Variants in CD72 observed in about 807,000 individuals in gnomAD.
CD72 encodes B-cell differentiation antigen CD72.
In CD72, 28 loss-of-function variants were observed where a neutral mutation model predicts 50.7. The ratio of observed to expected loss-of-function variants is 0.55; its 90% CI spans 0.41 to 0.76. The LOEUF (loss-of-function observed/expected upper bound fraction) is 0.76, where lower values mean the gene tolerates loss of function less well. CD72 is among the 30% of genes least tolerant of loss of function. CD72 has a pLI of 0.00. For missense variants in CD72, 403 were observed against 420.6 expected (o/e 0.96, Z 0.37); for synonymous variants, 176 against 171.2 (o/e 1.03, Z -0.22).
At chr9:35,620,014 G>A (rs1302389610), upstream of CD72, among the ~76,000 whole-genome samples, 1 of 150,936 alleles carries the variant, frequency 6.6e-6, no homozygotes, top group East Asian at 2.0e-4. Context: ...GGGACCTCAG[G>A]GGCCCTGAGA....
upstream of CD72, among the ~76,000 whole-genome samples, chr9:35,619,056 G>A (rs888968939): frequency 1.3e-5 from 2 of 152,226 alleles, no homozygotes; most frequent in Non-Finnish European, 2.9e-5. Context: ...GCCAGAGGCC[G>A]AGCGCAGATT....
chr9:35,612,457 T>C (rs1823001026), intron 6 of CD72, among the ~76,000 whole-genome samples: 1 of 152,026 alleles, frequency 6.6e-6, no homozygotes, highest in Non-Finnish European at 1.5e-5. Context: ...TGGTGGCATG[T>C]GACTGTAGTC....
upstream of CD72, among the ~76,000 whole-genome samples, chr9:35,620,340 C>T (rs577487952): frequency 8.2e-4 from 125 of 152,046 alleles, no homozygotes; most frequent in African/African-American, 2.8e-3. Flanking sequence ...TGTGGTGGCT[C>T]GAACCTGTAG....
chr9:35,615,913 T>C, intron 5 of CD72, 30 bp downstream of exon 5: 2 of 1,564,982 alleles, frequency 1.3e-6, no homozygotes, highest in Non-Finnish European at 1.8e-6. Context: ...AATCCATCCC[T>C]CCCTTCTCTC....
intron 1 of CD72, among the ~76,000 whole-genome samples, chr9:35,627,296 T>G (rs1823204583): frequency 6.6e-6 from 1 of 151,462 alleles, no homozygotes; most frequent in Non-Finnish European, 1.5e-5. Flanking sequence ...GGCTAAATTT[T>G]TTTTTGTATT....
intron 1 of CD72, chr9:35,643,520 G>T (rs989434088): frequency 6.6e-6 from 1 of 152,160 alleles, no homozygotes; most frequent in Non-Finnish European, 1.5e-5. Flanking sequence ...TTCACTTAAA[G>T]ACTTGATTCC....
intron 7 of CD72, among the ~76,000 whole-genome samples, chr9:35,611,385 C>G (rs563430790): frequency 6.6e-6 from 1 of 152,260 alleles, no homozygotes; most frequent in African/African-American, 2.4e-5. Flanking sequence ...TTCGATGGTA[C>G]CCCCGCTGCT....
At chr9:35,612,756 C>T in intron 6 of CD72, 92 bp downstream of exon 6, 1 of 1,210,518 alleles carries the variant, frequency 8.3e-7, no homozygotes, top group East Asian at 2.4e-5. Context: ...ATGGCCACCC[C>T]AGCCATGTGT....
At chr9:35,629,797 A>C (rs900441666) in intron 1 of CD72, among the ~76,000 whole-genome samples, 2 of 152,206 alleles carry the variant, frequency 1.3e-5, no homozygotes, top group Non-Finnish European at 2.9e-5. Context: ...ATGGGTATGC[A>C]AGCCCTGCTA....
chr9:35,625,790 T>C (rs1823190449), intron 1 of CD72, among the ~76,000 whole-genome samples: 1 of 152,310 alleles, frequency 6.6e-6, no homozygotes, highest in South Asian at 2.1e-4. Flanking sequence ...ATGGTAAATC[T>C]ATCCTTCCCG....
chr9:35,639,975 G>A (rs1823324524), intron 1 of CD72, among the ~76,000 whole-genome samples: 1 of 152,162 alleles, frequency 6.6e-6, no homozygotes, highest in African/African-American at 2.4e-5. Flanking sequence ...ATATTCAGCA[G>A]TTTCTCTTAT....
chr9:35,615,926 C>T lies in CD72; in HGVS notation c.688+17G>A, dbSNP rs1823056285. The stretch of plus-strand genomic sequence containing the variant: ...CCAATCCATCCCTCCCTTCTCTCCT[C>T]TCCCCAGAGCGGATACCTGCTGAGC... On this transcript the variant is annotated intron_variant, in intron 5 of 8. Transcript: ENST00000259633. The T allele has an allele frequency of 1.3e-6, 2 of 1,599,952 alleles. No individual in the cohort carries two copies. The highest frequency in any genetic ancestry group is 1.7e-6 in the Non-Finnish European group (2 of 1,169,504).
Position 35,616,252 on chromosome 9 carries a change from G to T in CD72, c.379C>A (p.Gln127Lys). The change falls in exon 5 of 9, where the codon CAG becomes AAG. Residue 127 changes from glutamine to lysine, a missense_variant. By Grantham distance (53) the Gln-to-Lys change is moderately conservative. Transcript: ENST00000259633. ...RYLQVSQQLQ[Q>K]TNRVLEVTNS... Reference sequence around the variant, plus strand: ...GTGACTTCCAGAACCCTGTTCGTCTGCTGGAGCTGCTGAGACACCTGCAGA... The same window carrying T: ...GTGACTTCCAGAACCCTGTTCGTCTTCTGGAGCTGCTGAGACACCTGCAGA... The T allele has an allele frequency of 6.2e-7, 1 of 1,613,798 alleles. No individual in the cohort carries two copies. Among genetic ancestry groups the T allele is most frequent in the Non-Finnish European group, 8.5e-7 (1 of 1,179,858 alleles).
chr9:35,614,512 G>A (rs1350689149), intron 5 of CD72, among the ~76,000 whole-genome samples: 1 of 152,218 alleles, frequency 6.6e-6, no homozygotes, highest in Non-Finnish European at 1.5e-5. Flanking sequence ...TGCTGAAAGT[G>A]AGGGAGAAGG....
At chr9:35,638,942 A>AGCG (rs1197691987) in intron 1 of CD72, among the ~76,000 whole-genome samples, 3 of 152,216 alleles carry the variant, frequency 2.0e-5, no homozygotes, top group Non-Finnish European at 4.4e-5. Flanking sequence ...GCGAAAACCC[A>AGCG]GCCCAGTTCC....
In CD72 at chr9:35,644,926, G is replaced by A. The variant is rs1427619362; in HGVS notation, n.408+1477C>T. Reference sequence around the variant, plus strand: ...CAAAAAAAAAAAAAAAAAAGGCCGGGCGCGGTGGCTCACGCCTGTAATCCC... The same window carrying A: ...CAAAAAAAAAAAAAAAAAAGGCCGGACGCGGTGGCTCACGCCTGTAATCCC... On this transcript the variant is annotated intron_variant and non_coding_transcript_variant, in intron 1 of 3. Coordinates refer to the CD72 transcript ENST00000465754. Among the ~76,000 whole-genome samples, 16 of 122,094 alleles carry A rather than the reference G, an allele frequency of 1.3e-4. No homozygotes were observed. The Admixed American group carries it at 1.4e-3, about 10-fold the overall frequency. The allele number at this position is 122,094 out of a possible 152,430, so 80.1% of individuals were successfully genotyped here.
upstream of CD72, among the ~76,000 whole-genome samples, chr9:35,620,750 G>C (rs1260579394): frequency 6.6e-6 from 1 of 152,126 alleles, no homozygotes; most frequent in Admixed American, 6.5e-5. Flanking sequence ...TTGAACCCGG[G>C]AGGCAGAGGT....
intron 1 of CD72, among the ~76,000 whole-genome samples, chr9:35,631,669 G>C (rs1283577489): frequency 6.6e-6 from 1 of 152,148 alleles, no homozygotes; most frequent in Non-Finnish European, 1.5e-5. Context: ...CGAGGCGGGC[G>C]GATCACGACG....
intron 1 of CD72, among the ~76,000 whole-genome samples, chr9:35,645,598 C>A (rs12376971): frequency 0.27 from 40,460 of 149,428 alleles, 5,534 homozygotes; most frequent in Middle Eastern, 0.34. Flanking sequence ...CAAAAACAAA[C>A]AAAAAAAAAC....
Sources: allele counts gnomAD v4.1 joint callset (sites outside exome capture counted in the v4.1 genomes callset), GRCh38; gene constraint gnomAD v4.1.1; transcripts MANE v1.5; gene names NCBI Gene and HGNC (gene_info 2026-07-23, HGNC 2026-07-21).